Variants in SGCZ observed in about 807,000 individuals in gnomAD.
SGCZ encodes zeta-sarcoglycan.
Under a neutral mutation model 41.3 loss-of-function variants are expected in SGCZ, and 40 were observed. The observed-to-expected ratio is 0.97, with a 90% CI of 0.75 to 1.26. SGCZ has a LOEUF of 1.26. SGCZ is among the 50% of genes most tolerant of loss of function. The pLI, the probability that SGCZ is intolerant of heterozygous loss-of-function variation, is 0.00. For synonymous variants in SGCZ, 206 were observed against 137.5 expected (o/e 1.50, Z -3.49); for missense variants, 552 against 369.8 (o/e 1.49, Z -4.04).
intron 1 of SGCZ, among the ~76,000 whole-genome samples, chr8:14,960,278 A>G (rs1800921754): frequency 6.6e-6 from 1 of 152,122 alleles, no homozygotes; most frequent in African/African-American, 2.4e-5. Flanking sequence ...AATGCAATAA[A>G]ATTCTATAAT....
chr8:14,940,858 T>C (rs1445074856), intron 1 of SGCZ, among the ~76,000 whole-genome samples: 4 of 152,038 alleles, frequency 2.6e-5, no homozygotes. Flanking sequence ...ACAACACATA[T>C]AAACCAAAAA....
At chr8:14,318,298 A>C (rs1156314808) in intron 3 of SGCZ, among the ~76,000 whole-genome samples, 1 of 151,996 alleles carries the variant, frequency 6.6e-6, no homozygotes, top group Non-Finnish European at 1.5e-5. Context: ...CTAATACTAT[A>C]CATCAAACTC....
chr8:15,214,368 T>C (rs1050036159), intron 1 of SGCZ, among the ~76,000 whole-genome samples: 3 of 152,156 alleles, frequency 2.0e-5, no homozygotes, highest in South Asian at 2.1e-4. Flanking sequence ...TTTCACTTTA[T>C]AGGAGTTTCT....
Position 14,199,429 on chromosome 8 carries a change from C to T in SGCZ, c.425-34727G>A, listed in dbSNP as rs552855500. On this transcript the variant is annotated intron_variant, in intron 4 of 7. Coordinates refer to ENST00000382080, the MANE Select transcript of SGCZ (RefSeq NM_139167.4). Reference sequence around the variant, plus strand: ...GAAACTTCATTAGTAATTTTAATTTCGCCCTGGTCCTTTGGTCCTGTGATC... The same window carrying T: ...GAAACTTCATTAGTAATTTTAATTTTGCCCTGGTCCTTTGGTCCTGTGATC... Among the ~76,000 whole-genome samples, 100 of 152,248 alleles carry T rather than the reference C, an allele frequency of 6.6e-4. 1 individual carries two copies. Among genetic ancestry groups the T allele is most frequent in the Middle Eastern group, 3.4e-3 (1 of 294 alleles).
chr8:14,569,343 T>C (rs759617309), intron 1 of SGCZ, among the ~76,000 whole-genome samples: 5 of 152,198 alleles, frequency 3.3e-5, no homozygotes, highest in Non-Finnish European at 5.9e-5. Flanking sequence ...TTCACATAGA[T>C]CTCTTTGTGT....
At chr8:15,006,034 G>A (rs1469653085) in intron 1 of SGCZ, among the ~76,000 whole-genome samples, 1 of 152,010 alleles carries the variant, frequency 6.6e-6, no homozygotes, top group Non-Finnish European at 1.5e-5. Flanking sequence ...TGTCATTGAC[G>A]GTAATCACAT....
chr8:14,469,061 A>G (rs774964435), intron 2 of SGCZ, among the ~76,000 whole-genome samples: 2 of 152,018 alleles, frequency 1.3e-5, no homozygotes, highest in African/African-American at 2.4e-5. Flanking sequence ...CCATGCCACA[A>G]CCAAAATGGA....
intron 1 of SGCZ, among the ~76,000 whole-genome samples, chr8:15,102,548 G>T (rs556981228): frequency 6.6e-6 from 1 of 150,588 alleles, no homozygotes; most frequent in East Asian, 1.9e-4. Flanking sequence ...ATCCATATTG[G>T]TTTATGAAAT....
chr8:14,425,241 G>C (rs559268788), intron 2 of SGCZ, among the ~76,000 whole-genome samples: 23 of 152,300 alleles, frequency 1.5e-4, no homozygotes, highest in African/African-American at 5.1e-4. Flanking sequence ...TACCAGCTGA[G>C]AGTATCATCT....
At chr8:14,863,531 C>T (rs1183229487) in intron 1 of SGCZ, among the ~76,000 whole-genome samples, 2 of 151,988 alleles carry the variant, frequency 1.3e-5, no homozygotes, top group African/African-American at 4.8e-5. Flanking sequence ...CAAATAAGTG[C>T]CTGAGTCACC....
intron 2 of SGCZ, among the ~76,000 whole-genome samples, chr8:14,499,838 C>A (rs1206711854): frequency 2.6e-5 from 4 of 151,956 alleles, no homozygotes; most frequent in African/African-American, 9.7e-5. Flanking sequence ...AAAATTGTAT[C>A]CTCAAGAACA....
intron 2 of SGCZ, among the ~76,000 whole-genome samples, chr8:14,424,209 C>A (rs1211395266): frequency 6.6e-6 from 1 of 152,058 alleles, no homozygotes; most frequent in Non-Finnish European, 1.5e-5. Flanking sequence ...GGGATAAAAA[C>A]CATAGTAGTA....
chr8:14,364,589 T>G (rs1585409665), intron 2 of SGCZ, among the ~76,000 whole-genome samples: 1 of 152,154 alleles, frequency 6.6e-6, no homozygotes, highest in East Asian at 1.9e-4. Context: ...TGCTTTTATT[T>G]ACTATTTATC....
At chr8:14,844,647 C>A (rs1168932878) in intron 1 of SGCZ, among the ~76,000 whole-genome samples, 1 of 151,994 alleles carries the variant, frequency 6.6e-6, no homozygotes, top group Non-Finnish European at 1.5e-5. Context: ...AGCACATGAG[C>A]CTAAAGATGA....
At chr8:14,150,454 T>C (rs1803665668) in intron 5 of SGCZ, among the ~76,000 whole-genome samples, 2 of 152,002 alleles carry the variant, frequency 1.3e-5, no homozygotes, top group South Asian at 4.2e-4. Flanking sequence ...GAAAAGCAAA[T>C]CAAATCTACA....
At chr8:14,493,029 G>C (rs902774935) in intron 2 of SGCZ, among the ~76,000 whole-genome samples, 1 of 152,020 alleles carries the variant, frequency 6.6e-6, no homozygotes, top group African/African-American at 2.4e-5. Flanking sequence ...CACCTCTAAA[G>C]TGCTCTCCCT....
chr8:14,338,010 G>A (rs1428391833), intron 2 of SGCZ, among the ~76,000 whole-genome samples: 1 of 152,136 alleles, frequency 6.6e-6, no homozygotes, highest in Non-Finnish European at 1.5e-5. Flanking sequence ...CTAAGAAAAT[G>A]TTTCTTCAAC....
At chr8:14,376,079 C>A (rs956285045) in intron 2 of SGCZ, among the ~76,000 whole-genome samples, 23 of 152,140 alleles carry the variant, frequency 1.5e-4, no homozygotes, top group African/African-American at 5.5e-4. Flanking sequence ...TTTGGGAGGC[C>A]GAGGCGGGTG....
intron 1 of SGCZ, among the ~76,000 whole-genome samples, chr8:14,897,667 C>A (rs1384362795): frequency 6.6e-6 from 1 of 152,222 alleles, no homozygotes; most frequent in Non-Finnish European, 1.5e-5. Flanking sequence ...TATGTCCCTG[C>A]ATAGACTATA....
Sources: gnomAD v4.1 joint callset for allele counts (sites outside exome capture counted in the v4.1 genomes callset) on GRCh38, gnomAD v4.1.1 for gene constraint, MANE v1.5 for transcripts, NCBI Gene and HGNC (gene_info 2026-07-23, HGNC 2026-07-21) for gene names.